Variants in RAPGEF1 observed in about 807,000 individuals in gnomAD.
RAPGEF1 encodes Rap guanine nucleotide exchange factor 1, also known as CRK SH3-binding GNRP.
A neutral mutation model predicts 143.3 loss-of-function variants in RAPGEF1; 33 were observed. That is an observed-to-expected ratio of 0.23 (90% CI 0.17 to 0.31). RAPGEF1 has a LOEUF of 0.31. Ranked by LOEUF, RAPGEF1 falls within the 10% of genes least tolerant of loss-of-function variation. The pLI is 1.00. For missense variants in RAPGEF1, 1,199 were observed against 1,645.4 expected, an observed-to-expected ratio of 0.73 and a Z score of 4.69; for synonymous variants, 629 against 676.5, an observed-to-expected ratio of 0.93 and a Z score of 1.09.
intron 1 of RAPGEF1, among the ~76,000 whole-genome samples, chr9:131,736,720 G>C (rs1837439954): frequency 6.6e-6 from 1 of 152,200 alleles, no homozygotes; most frequent in African/African-American, 2.4e-5. Flanking sequence ...AAAAACCCTG[G>C]ATGCCTTAAG....
chr9:131,632,769 G>A (rs1965283075), intron 5 of RAPGEF1, among the ~76,000 whole-genome samples: 1 of 152,164 alleles, frequency 6.6e-6, no homozygotes, highest in South Asian at 2.1e-4. Context: ...TGTAAACAAA[G>A]CCAAATCAAG....
chr9:131,708,860 G>A (rs1835291693), intron 1 of RAPGEF1, among the ~76,000 whole-genome samples: 1 of 152,002 alleles, frequency 6.6e-6, no homozygotes, highest in African/African-American at 2.4e-5. Context: ...CCTTATGCCT[G>A]TAGCTGGAAA....
chr9:131,697,982 T>C (rs1834319885), intron 1 of RAPGEF1, among the ~76,000 whole-genome samples: 1 of 152,032 alleles, frequency 6.6e-6, no homozygotes, highest in Non-Finnish European at 1.5e-5. Context: ...AAGGGGAACA[T>C]GTGTGACTAT....
chr9:131,627,871 G>A, intron 9 of RAPGEF1, 42 bp downstream of exon 9: 1 of 1,547,760 alleles, frequency 6.5e-7, no homozygotes. Flanking sequence ...CCCCAGAGAA[G>A]CCACCGAGAC....
intron 1 of RAPGEF1, among the ~76,000 whole-genome samples, chr9:131,708,513 TAG>T (rs949477185): frequency 6.6e-6 from 1 of 152,162 alleles, no homozygotes; most frequent in Non-Finnish European, 1.5e-5. Flanking sequence ...CCCCAAGCCC[TAG>T]AGAGACAGAG....
rs778062939 is a variant in RAPGEF1 at position 131,619,100 on chromosome 9, G to A, written c.2012C>T (p.Ser671Phe). The A allele has an allele frequency of 1.5e-6, 2 of 1,354,188 alleles. No homozygotes were observed. Among genetic ancestry groups the A allele is most frequent in the Non-Finnish European group, 2.0e-6 (2 of 1,016,532 alleles). 83.9% of individuals were successfully genotyped at this position (1,354,188 alleles called of 1,614,324 possible). A position where few individuals can be genotyped will look rare whatever the true frequency, so the allele number is the denominator to read the frequency against. Residue 671 changes from serine (S) to phenylalanine (F), a missense_variant, in exon 12 of 27, where the codon TCC becomes TTC. This residue lies in a region of RAPGEF1 where 293 missense variants were observed against 356.2 expected (regional missense o/e 0.82). Transcript: ENST00000683357. ...DGSAAQGLSV[S>F]VSNSFLSRHG... ...CCGGCTGAGAAAGGAGTTAGAGACG[G>A]ACACACTGAGGCCCTGAGCGGCACT...
chr9:131,602,580 C>G (rs1262261561), intron 14 of RAPGEF1, among the ~76,000 whole-genome samples: 2 of 152,250 alleles, frequency 1.3e-5, no homozygotes, highest in African/African-American at 4.8e-5. Context: ...CAAGACCACA[C>G]AGCTCATAAA....
At chr9:131,588,659 C>A in intron 20 of RAPGEF1, 142 bp downstream of exon 20, 1 of 855,450 alleles carries the variant, frequency 1.2e-6, no homozygotes, top group Non-Finnish European at 1.8e-6. Flanking sequence ...CCCCAGGGAT[C>A]CACGGGGCTG....
chr9:131,666,657 T>C (rs1029369376), intron 1 of RAPGEF1, among the ~76,000 whole-genome samples: 3 of 152,204 alleles, frequency 2.0e-5, no homozygotes, highest in Non-Finnish European at 4.4e-5. Flanking sequence ...AGTGCTGAGA[T>C]TACAGGCAAG....
chr9:131,716,775 AAAAAT>A (rs1835894370), intron 1 of RAPGEF1, among the ~76,000 whole-genome samples: 1 of 152,188 alleles, frequency 6.6e-6, no homozygotes, highest in African/African-American at 2.4e-5. Flanking sequence ...CCTGTCTCAA[AAAAAT>A]AAAATAATAA....
intron 1 of RAPGEF1, among the ~76,000 whole-genome samples, chr9:131,715,231 C>T (rs748971765): frequency 3.3e-5 from 5 of 152,098 alleles, no homozygotes; most frequent in African/African-American, 9.7e-5. Flanking sequence ...ATAACATGCA[C>T]GAAGAATCAC....
intron 1 of RAPGEF1, among the ~76,000 whole-genome samples, chr9:131,661,761 A>G (rs1191603782): frequency 6.6e-6 from 1 of 152,238 alleles, no homozygotes; most frequent in Non-Finnish European, 1.5e-5. Context: ...AATATTCCAG[A>G]ATGAGTATCT....
At chr9:131,737,270 C>G (rs1339681055) in intron 1 of RAPGEF1, 9 of 1,426,490 alleles carry the variant, frequency 6.3e-6, no homozygotes, top group Non-Finnish European at 8.9e-6. Context: ...AGCTCCTGGT[C>G]AGCCCCTTCC....
Position 131,707,959 on chromosome 9 carries a change from C to T in RAPGEF1, c.61+31811G>A, listed in dbSNP as rs199789246. 5.3e-5 allele frequency among the ~76,000 whole-genome samples: 8 copies of T among 152,270 alleles called. No homozygotes were observed. In the East Asian group the frequency reaches 1.4e-3, roughly 26 times the overall value. On this transcript the variant is annotated intron_variant, in intron 1 of 26. Coordinates refer to ENST00000683357, the MANE Select transcript of RAPGEF1 (RefSeq NM_001377935.1). ...CCATGGAGTTCATATTCAAATTTCC[C>T]GAACTGTCCCCCAATGTCTTTAATA...
intron 1 of RAPGEF1, among the ~76,000 whole-genome samples, chr9:131,674,074 C>T (rs1226224712): frequency 6.6e-6 from 1 of 152,144 alleles, no homozygotes; most frequent in Non-Finnish European, 1.5e-5. Flanking sequence ...TCGAAGCCAC[C>T]TTTGAAAGCA....
intron 5 of RAPGEF1, among the ~76,000 whole-genome samples, chr9:131,632,990 G>A (rs1230466286): frequency 1.3e-5 from 2 of 152,170 alleles, no homozygotes; most frequent in African/African-American, 4.8e-5. Flanking sequence ...TTACAGGTGT[G>A]AGCCACCACG....
chr9:131,689,468 T>G (rs1409701567), intron 1 of RAPGEF1, among the ~76,000 whole-genome samples: 1 of 152,012 alleles, frequency 6.6e-6, no homozygotes, highest in Non-Finnish European at 1.5e-5. Context: ...CTAAATTAGG[T>G]GAATGTAAAG....
At chr9:131,711,225 A>AT (rs1422429007) in intron 1 of RAPGEF1, among the ~76,000 whole-genome samples, 3 of 151,316 alleles carry the variant, frequency 2.0e-5, no homozygotes, top group East Asian at 1.9e-4. Flanking sequence ...TAATTTTTAA[A>AT]TTTTTTTGTA....
At chr9:131,609,034 T>C (rs1957578819) in intron 12 of RAPGEF1, among the ~76,000 whole-genome samples, 1 of 152,086 alleles carries the variant, frequency 6.6e-6, no homozygotes, top group Non-Finnish European at 1.5e-5. Flanking sequence ...AATAAGACTG[T>C]TTGGGCTGAG....
Sources: allele counts gnomAD v4.1 joint callset (sites outside exome capture counted in the v4.1 genomes callset), GRCh38; gene constraint gnomAD v4.1.1; regional missense constraint gnomAD v4.1.1; transcripts MANE v1.5; gene names NCBI Gene and HGNC (gene_info 2026-07-23, HGNC 2026-07-21).